FLNC: variants seen among roughly 807,000 people sequenced by gnomAD.
FLNC encodes filamin-C.
In FLNC, 91 loss-of-function variants were observed where a neutral mutation model predicts 254.3. The observed-to-expected ratio is 0.36, with a 90% CI of 0.30 to 0.43. FLNC has a LOEUF of 0.43. FLNC is among the 20% of genes least tolerant of loss of function. The pLI is 1.00. For synonymous variants in FLNC, 1,430 were observed against 1,577.2 expected (o/e 0.91, Z 2.21); for missense variants, 2,853 against 3,802.6 (o/e 0.75, Z 6.57).
rs1169332324 is a variant in FLNC, at chr7:128,838,751, C to T, written c.1359C>T (p.Ala453=). The T allele has an allele frequency of 1.9e-6, 3 of 1,612,932 alleles. No individual in the cohort carries two copies. The highest frequency in any genetic ancestry group is 1.7e-5 in the Admixed American group (1 of 60,014). The change falls in exon 8 of 48, where the codon GCC becomes GCT. Residue 453 remains alanine (A), a synonymous_variant. Transcript: ENST00000325888. ...AGGGGCCACATACCGTGCATGTGGCCTTTGCGGGTGCCCCCATCACCCGCA... is the reference window on the plus strand; with the variant it reads ...AGGGGCCACATACCGTGCATGTGGCTTTTGCGGGTGCCCCCATCACCCGCA... ...AMEGPHTVHV[A]FAGAPITRSP...
At position 128,845,168 on chromosome 7, in the gene FLNC, G is replaced by A. The variant is rs1208885010; in HGVS notation, c.3703G>A (p.Val1235Met). 3 of 1,613,828 alleles carry A rather than the reference G, an allele frequency of 1.9e-6. No individual in the cohort carries two copies. The highest frequency in any genetic ancestry group is 2.5e-6 in the Non-Finnish European group (3 of 1,180,030). Residue 1235 changes from valine to methionine, a missense_variant, in exon 21 of 48, where the codon GTG (valine) becomes ATG (methionine). Transcript: ENST00000325888. Reference sequence around the variant, plus strand: ...TACCATCAAGTATGGCGGGCATCCCGTGCCCAAATTCCCCACCCGTGTCCA... The same window carrying A: ...TACCATCAAGTATGGCGGGCATCCCATGCCCAAATTCCCCACCCGTGTCCA... ...TITIKYGGHPVPKFPTRVHVQ... is the reference protein window; with the variant it reads ...TITIKYGGHPMPKFPTRVHVQ...
intron 32 of FLNC, 125 bp downstream of exon 32, chr7:128,850,608 C>G: frequency 1.7e-6 from 2 of 1,195,220 alleles, no homozygotes. Flanking sequence ...CAGGGTCACA[C>G]AGCAAGTTGG....
Position 128,844,947 on chromosome 7 carries a change from G to A in FLNC, c.3482G>A (p.Ser1161Asn). 6.2e-7 allele frequency: 1 copy of A among 1,613,908 alleles called. No homozygotes were observed. Among genetic ancestry groups the A allele is most frequent in the Non-Finnish European group, 8.5e-7 (1 of 1,180,034 alleles). ...PVFDPSKVRA[S>N]GPGLERGKVG... The stretch of plus-strand genomic sequence containing the variant: ...TTTGACCCGAGCAAGGTGCGGGCCA[G>A]TGGACCGGGCCTGGAGCGCGGCAAG... The change falls in exon 21 of 48, where the codon AGT becomes AAT. Residue 1161 changes from serine to asparagine, a missense_variant. This residue lies in a region of FLNC where 1,573 missense variants were observed against 1,883.5 expected (regional missense o/e 0.84). Transcript: ENST00000325888.
intron 42 of FLNC, 67 bp downstream of exon 42, chr7:128,854,979 G>A (rs1808992543): frequency 1.9e-6 from 3 of 1,568,244 alleles, no homozygotes; most frequent in Non-Finnish European, 1.8e-6. Context: ...CTGCCCACTG[G>A]CCAGGCAGGA....
chr7:128,833,919 G>T (rs950425219), intron 1 of FLNC, among the ~76,000 whole-genome samples: 3 of 152,178 alleles, frequency 2.0e-5, no homozygotes, highest in Non-Finnish European at 4.4e-5. Flanking sequence ...CAGTGACAGG[G>T]TGGGGGAGCC....
At chr7:128,847,566 A>G in intron 24 of FLNC, 131 bp from the exon 25 acceptor site, 1 of 1,019,760 alleles carries the variant, frequency 9.8e-7, no homozygotes, top group South Asian at 1.3e-5. Context: ...GTTCCTAGCC[A>G]TTTTCCCATG....
rs944569326 is a variant in FLNC at position 128,836,956 on chromosome 7, T to C, written c.602-204T>C. The stretch of plus-strand genomic sequence containing the variant: ...CAGCCAGGGCAGAAAGGCTTCATTG[T>C]TGGTGGTGGAGAGGGCTGTCCTGCT... On this transcript the variant is annotated intron_variant, in intron 2 of 47. Coordinates refer to ENST00000325888, the MANE Select transcript of FLNC (RefSeq NM_001458.5). The surrounding 1 kb of genome is among the most constrained non-coding windows in gnomAD (Gnocchi z 6.0). Among the ~76,000 whole-genome samples, 2 of 152,094 alleles carry C rather than the reference T, an allele frequency of 1.3e-5. No homozygotes were observed. Among genetic ancestry groups the C allele is most frequent in the Non-Finnish European group, 2.9e-5 (2 of 68,014 alleles).
chr7:128,843,779 A>T lies in FLNC; in HGVS notation c.2812-17A>T. 3 of 1,607,352 alleles carry T rather than the reference A, an allele frequency of 1.9e-6. No homozygotes were observed. Among genetic ancestry groups the T allele is most frequent in the Non-Finnish European group, 2.6e-6 (3 of 1,173,974 alleles). ...CTTGCCTTATATCCAGTTCTGACCT[A>T]CCATTGTACCCAACAGGGCAACATG... On this transcript the variant is annotated splice_polypyrimidine_tract_variant and intron_variant, in intron 18 of 47. Transcript: ENST00000325888.
At chr7:128,844,486 T>A (rs1304463365) in intron 20 of FLNC, among the ~76,000 whole-genome samples, 172 bp from the exon 21 acceptor site, 1 of 152,192 alleles carries the variant, frequency 6.6e-6, no homozygotes, top group Non-Finnish European at 1.5e-5. Flanking sequence ...CCAGGTCCAC[T>A]AACTGGGGCA....
intron 8 of FLNC, 81 bp downstream of exon 8, chr7:128,838,884 G>A: frequency 2.2e-6 from 3 of 1,355,230 alleles, no homozygotes; most frequent in Non-Finnish European, 3.1e-6. Flanking sequence ...AGCTGGGGCG[G>A]GGGTCTGCAG....
In FLNC at chr7:128,857,152, T is replaced by C. The variant is rs377522797; in HGVS notation, c.7596T>C (p.Asn2532=). The C allele has an allele frequency of 3.7e-5, 60 of 1,614,018 alleles. No homozygotes were observed. The highest frequency in any genetic ancestry group is 3.5e-4 in the African/African-American group (26 of 74,916). Residue 2532 remains asparagine, a synonymous_variant, in exon 46 of 48, where the codon AAT becomes AAC. Transcript: ENST00000325888. The surrounding 1 kb of genome is among the most constrained non-coding windows in gnomAD (Gnocchi z 4.5). The part of the protein sequence containing the change: ...VSSEFIVNTL[N]AGSGALSVTI... ...CAGAGTTCATCGTGAACACCCTGAA[T>C]GCCGGCTCGGGGGCCTTGTCTGTCA...
chr7:128,842,507 C>T lies in FLNC; in HGVS notation c.2266-68C>T, dbSNP rs1562995056. ...TGGGCTGGTGCCACTGAGGCTGGGC[C>T]GGGTGCGCTGGGCAGGAGGATGAGC... On this transcript the variant is annotated intron_variant, in intron 14 of 47. Transcript: ENST00000325888. The surrounding 1 kb of genome is among the most constrained non-coding windows in gnomAD (Gnocchi z 5.4). The T allele has an allele frequency of 1.9e-6, 3 of 1,555,900 alleles. No homozygotes were observed. Among genetic ancestry groups the T allele is most frequent in the South Asian group, 1.2e-5 (1 of 85,536 alleles).
intron 1 of FLNC, among the ~76,000 whole-genome samples, chr7:128,833,160 C>T (rs933026974): frequency 1.3e-5 from 2 of 151,902 alleles, no homozygotes; most frequent in Non-Finnish European, 2.9e-5. Flanking sequence ...CGTTGCCCCT[C>T]GTTCCCTCCG....
chr7:128,839,892 A>T, intron 8 of FLNC, 131 bp from the exon 9 acceptor site: 2 of 1,151,718 alleles, frequency 1.7e-6, no homozygotes, highest in Non-Finnish European at 2.5e-6. Flanking sequence ...GGGGACACAA[A>T]GGGCTCCAGA....
chr7:128,841,524 A>C lies in FLNC; in HGVS notation c.2078A>C (p.Asp693Ala), dbSNP rs34972246. Residue 693 changes from aspartate to alanine, a missense_variant, in exon 13 of 48, where the codon GAT becomes GCT. By Grantham distance (126) the Asp-to-Ala change is moderately radical. Transcript: ENST00000325888. This position sits in a 1 kb window ranked among gnomAD's most constrained non-coding sequence, Gnocchi z 4.3. ...GACAAGCCCGCTGAGTTCACCATTG[A>C]TGCTCGTGCAGCTGGCAAGGGAGAC... is the stretch of plus-strand genomic sequence containing the variant. ...IVDKPAEFTI[D>A]ARAAGKGDLK... 4.5e-3 allele frequency: 7,255 copies of C among 1,614,124 alleles called. 22 individuals are homozygous for C. The highest frequency in any genetic ancestry group is 5.2e-3 in the Non-Finnish European group (6,114 of 1,179,992).
Position 128,857,088 on chromosome 7 carries a change from G to A in FLNC, c.7562-30G>A. On this transcript the variant is annotated intron_variant, in intron 45 of 47. Transcript: ENST00000325888. The surrounding 1 kb of genome is among the most constrained non-coding windows in gnomAD (Gnocchi z 4.5). Reference sequence around the variant, plus strand: ...CCCTCTTGGGCCACAAGCCCTTCCTGCCCTCAGCCTTGCTACCTCTGGCCC... The same window carrying A: ...CCCTCTTGGGCCACAAGCCCTTCCTACCCTCAGCCTTGCTACCTCTGGCCC... 6.2e-7 allele frequency: 1 copy of A among 1,607,424 alleles called. No individual in the cohort carries two copies. Among genetic ancestry groups the A allele is most frequent in the Non-Finnish European group, 8.5e-7 (1 of 1,174,250 alleles).
chr7:128,848,798 C>A lies in FLNC; in HGVS notation c.4743C>A (p.Pro1581=). ...EGLLTVQILD[P]EGKPKKANIR... is the part of the protein sequence containing the mutation. The stretch of plus-strand genomic sequence containing the variant: ...GACCTCTGCTTCTCCCTCAGGACCC[C>A]GAGGGTAAGCCCAAGAAGGCCAACA... Residue 1581 remains proline, a synonymous_variant, in exon 28 of 48, where the codon CCC becomes CCA. Coordinates refer to ENST00000325888, the MANE Select transcript of FLNC (RefSeq NM_001458.5). 6.2e-7 allele frequency: 1 copy of A among 1,614,126 alleles called. No homozygotes were observed. Among genetic ancestry groups the A allele is most frequent in the Non-Finnish European group, 8.5e-7 (1 of 1,180,018 alleles).
In FLNC at chr7:128,847,737, T is replaced by C. The variant is rs1183819162; in HGVS notation, c.4329T>C (p.Pro1443=). The change falls in exon 25 of 48, where the codon CCT becomes CCC. Residue 1443 remains proline (P), a synonymous_variant. Transcript: ENST00000325888. The part of the protein sequence containing the change: ...FRVPVKDVVD[P]GKVKCSGPGL... ...TGCCAGTGAAGGATGTGGTGGACCCTGGGAAGGTGAAGTGCTCAGGGCCAG... is the reference window on the plus strand; with the variant it reads ...TGCCAGTGAAGGATGTGGTGGACCCCGGGAAGGTGAAGTGCTCAGGGCCAG... 9 of 1,614,094 alleles carry C rather than the reference T, an allele frequency of 5.6e-6. No individual in the cohort carries two copies. Among genetic ancestry groups the C allele is most frequent in the Non-Finnish European group, 7.6e-6 (9 of 1,179,986 alleles).
intron 37 of FLNC, 196 bp from the exon 38 acceptor site, chr7:128,853,273 C>T (rs575652200): frequency 2.7e-6 from 2 of 735,652 alleles, no homozygotes; most frequent in African/African-American, 3.5e-5. Context: ...CACTGGAATC[C>T]AAGAGGCTTA....
Sources: gnomAD v4.1 joint callset for allele counts (sites outside exome capture counted in the v4.1 genomes callset) on GRCh38, gnomAD v4.1.1 for gene constraint, gnomAD v4.1.1 regional missense constraint, Gnocchi (gnomAD v3.1) non-coding constraint, MANE v1.5 for transcripts, NCBI Gene and HGNC (gene_info 2026-07-23, HGNC 2026-07-21) for gene names.